Variants in MALRD1 observed in about 807,000 individuals in gnomAD.
The protein encoded by MALRD1 is MAM and LDL-receptor class A domain-containing protein 1.
In MALRD1, 247 loss-of-function variants were observed where a neutral mutation model predicts 242.1. The observed-to-expected ratio is 1.02, with a 90% CI of 0.92 to 1.13. MALRD1 has a LOEUF of 1.13. MALRD1 is among the 50% of genes most tolerant of loss of function. The probability of loss-of-function intolerance (pLI) is 0.00; values close to 1 mark genes in which losing one functional copy is unlikely to be tolerated. For synonymous variants in MALRD1, 995 were observed against 866.6 expected, an observed-to-expected ratio of 1.15 and a Z score of -2.60; for missense variants, 2,989 against 2,533.1, an observed-to-expected ratio of 1.18 and a Z score of -3.86.
At chr10:19,294,493 C>T (rs1387690122) in intron 21 of MALRD1, among the ~76,000 whole-genome samples, 1 of 152,138 alleles carries the variant, frequency 6.6e-6, no homozygotes, top group Non-Finnish European at 1.5e-5. Context: ...ATTGACTAGG[C>T]ATACCATTTA....
At chr10:19,335,720 G>A (rs373328500) in intron 24 of MALRD1, among the ~76,000 whole-genome samples, 1 of 151,940 alleles carries the variant, frequency 6.6e-6, no homozygotes, top group Non-Finnish European at 1.5e-5. Context: ...AATGTGATTA[G>A]GTAGAAATAT....
intron 35 of MALRD1, among the ~76,000 whole-genome samples, chr10:19,611,524 A>G (rs1231773312): frequency 6.6e-6 from 1 of 152,020 alleles, no homozygotes; most frequent in African/African-American, 2.4e-5. Flanking sequence ...CTCCATACAC[A>G]TATTCATAAT....
intron 18 of MALRD1, among the ~76,000 whole-genome samples, chr10:19,215,906 T>C (rs1837292164): frequency 6.6e-6 from 1 of 151,272 alleles, no homozygotes; most frequent in Non-Finnish European, 1.5e-5. Flanking sequence ...CTTTGCATAG[T>C]TTTTTTTCAT....
chr10:19,312,522 A>G (rs1236806068), intron 21 of MALRD1, among the ~76,000 whole-genome samples: 4 of 151,098 alleles, frequency 2.6e-5, no homozygotes, highest in African/African-American at 9.7e-5. Flanking sequence ...TAACATCTAG[A>G]AAAGTGTTTC....
At chr10:19,102,930 C>A (rs991207166) in intron 4 of MALRD1, among the ~76,000 whole-genome samples, 1 of 151,876 alleles carries the variant, frequency 6.6e-6, no homozygotes. Context: ...CTCACTGCAA[C>A]CTGCGCCTCC....
At chr10:19,104,103 T>C (rs1443051116) in intron 5 of MALRD1, 28 bp downstream of exon 5, 4 of 1,145,280 alleles carry the variant, frequency 3.5e-6, no homozygotes, top group Non-Finnish European at 4.4e-6. Context: ...CATTTTGATC[T>C]TTACTGTGTT....
At chr10:19,687,402 C>T (rs899611084) in intron 36 of MALRD1, among the ~76,000 whole-genome samples, 3 of 152,142 alleles carry the variant, frequency 2.0e-5, no homozygotes. Flanking sequence ...GACAATGGTT[C>T]AGCATTTCCC....
intron 18 of MALRD1, among the ~76,000 whole-genome samples, chr10:19,216,321 T>C (rs1837313617): frequency 6.6e-6 from 1 of 151,888 alleles, no homozygotes; most frequent in Admixed American, 6.6e-5. Flanking sequence ...TTTCACCATA[T>C]TGGCCAGGCT....
Position 19,347,876 on chromosome 10 carries a change from C to CA in MALRD1, c.4008dup (p.Gly1337ArgfsTer41), listed in dbSNP as rs1564582485. ...CTGAAAGCTAGCAGCATCCCTGCAG[C>CA]AGGCACAGAGCCAGCAGCAGATCAC... On this transcript the variant is annotated frameshift_variant, in exon 25 of 40. Coordinates refer to ENST00000454679, the MANE Select transcript of MALRD1 (RefSeq NM_001142308.3). LOFTEE classifies it high-confidence loss of function. The CA allele has an allele frequency of 6.5e-7, 1 of 1,550,230 alleles. No homozygotes were observed. The highest frequency in any genetic ancestry group is 8.7e-7 in the Non-Finnish European group (1 of 1,146,840).
intron 28 of MALRD1, among the ~76,000 whole-genome samples, chr10:19,390,458 G>T (rs756753060): frequency 6.6e-6 from 1 of 152,144 alleles, no homozygotes; most frequent in African/African-American, 2.4e-5. Flanking sequence ...CTTTAATTTA[G>T]TATAACAAAG....
intron 32 of MALRD1, among the ~76,000 whole-genome samples, chr10:19,537,781 C>T (rs1834755655): frequency 6.6e-6 from 1 of 152,232 alleles, no homozygotes; most frequent in South Asian, 2.1e-4. Context: ...TGAGGTCTCC[C>T]CCTTCATGAT....
At chr10:19,442,931 T>C (rs1834752189) in intron 28 of MALRD1, among the ~76,000 whole-genome samples, 1 of 152,198 alleles carries the variant, frequency 6.6e-6, no homozygotes, top group Admixed American at 6.5e-5. Context: ...AGAATTAGGC[T>C]GTGAATCCAT....
chr10:19,098,762 G>T (rs1395574085), intron 4 of MALRD1, among the ~76,000 whole-genome samples: 1 of 152,142 alleles, frequency 6.6e-6, no homozygotes, highest in East Asian at 1.9e-4. Context: ...CAAGGAGTGA[G>T]GTTAAGAATG....
chr10:19,498,073 G>T (rs3852461), intron 30 of MALRD1, among the ~76,000 whole-genome samples: 144,481 of 152,334 alleles, frequency 0.95, 68,583 homozygotes, highest in East Asian at 1. Context: ...GCCTTTTCTT[G>T]AGTAAATGAC....
chr10:19,655,530 G>GTATATATATATA (rs56752723), intron 36 of MALRD1, among the ~76,000 whole-genome samples: 2 of 108,824 alleles, frequency 1.8e-5, no homozygotes, highest in African/African-American at 3.2e-5. Context: ...ATGTGTGAGT[G>GTATATATATATA]TATATATATA....
At chr10:19,134,603 G>A (rs1309780188) in intron 9 of MALRD1, among the ~76,000 whole-genome samples, 2 of 152,124 alleles carry the variant, frequency 1.3e-5, no homozygotes, top group African/African-American at 4.8e-5. Context: ...GGGTTATGAA[G>A]GCAACTTCAT....
At chr10:19,353,088 C>T (rs1844467835) in intron 26 of MALRD1, among the ~76,000 whole-genome samples, 1 of 151,846 alleles carries the variant, frequency 6.6e-6, no homozygotes, top group Non-Finnish European at 1.5e-5. Context: ...TTCACTGCAA[C>T]CTCTTCCTCC....
intron 19 of MALRD1, among the ~76,000 whole-genome samples, chr10:19,258,022 A>G (rs1034561656): frequency 3.9e-5 from 6 of 152,170 alleles, no homozygotes; most frequent in African/African-American, 1.4e-4. Flanking sequence ...CTAGAAAATC[A>G]TGTCTGAAGT....
intron 36 of MALRD1, among the ~76,000 whole-genome samples, chr10:19,624,127 A>G (rs976589340): frequency 6.6e-6 from 1 of 151,590 alleles, no homozygotes; most frequent in Non-Finnish European, 1.5e-5. Context: ...CTACATATTC[A>G]TTCACTTTGG....
Sources: allele counts gnomAD v4.1 joint callset (sites outside exome capture counted in the v4.1 genomes callset), GRCh38; gene constraint gnomAD v4.1.1; transcripts MANE v1.5; gene names NCBI Gene and HGNC (gene_info 2026-07-23, HGNC 2026-07-21).